TPO: variants seen among roughly 807,000 people sequenced by gnomAD.
The protein encoded by TPO is thyroid microsomal antigen.
A neutral mutation model predicts 96.9 loss-of-function variants in TPO; 78 were observed. The ratio of observed to expected loss-of-function variants is 0.81; its 90% CI spans 0.67 to 0.97. The LOEUF is 0.97. Ranked by LOEUF, TPO falls within the 50% of genes least tolerant of loss-of-function variation. The pLI, the probability that TPO is intolerant of heterozygous loss-of-function variation, is 0.00. For missense variants in TPO, 1,252 were observed against 1,274.8 expected (o/e 0.98, Z 0.27); for synonymous variants, 547 against 538.0 (o/e 1.02, Z -0.23).
intron 7 of TPO, among the ~76,000 whole-genome samples, chr2:1,464,294 T>C (rs1668705793): frequency 6.6e-6 from 1 of 152,220 alleles, no homozygotes; most frequent in African/African-American, 2.4e-5. Flanking sequence ...TATCCACTCA[T>C]TGATTGATGG....
At chr2:1,403,757 G>T (rs1295647377) in intron 1 of TPO, among the ~76,000 whole-genome samples, 1 of 152,188 alleles carries the variant, frequency 6.6e-6, no homozygotes, top group Non-Finnish European at 1.5e-5. Context: ...GCACACCGTG[G>T]GTTCACATTT....
chr2:1,381,222 G>A (rs1249482238), intron 1 of TPO, among the ~76,000 whole-genome samples: 1 of 152,092 alleles, frequency 6.6e-6, no homozygotes, highest in East Asian at 1.9e-4. Flanking sequence ...AGAGTGAACA[G>A]GCAACCTACA....
intron 5 of TPO, among the ~76,000 whole-genome samples, chr2:1,441,058 G>C (rs1666140767): frequency 6.6e-6 from 1 of 151,626 alleles, no homozygotes; most frequent in Non-Finnish European, 1.5e-5. Context: ...AACAGGGCAG[G>C]GTCCTTCTTG....
At chr2:1,506,345 T>C (rs59669457) in intron 14 of TPO, among the ~76,000 whole-genome samples, 995 of 76,518 alleles carry the variant, frequency 0.013, 10 homozygotes, top group African/African-American at 0.038. Context: ...AATAAACATA[T>C]GTGTGCATGT....
At chr2:1,426,077 G>A (rs1172789273) in intron 3 of TPO, among the ~76,000 whole-genome samples, 1 of 146,698 alleles carries the variant, frequency 6.8e-6, no homozygotes, top group East Asian at 2.1e-4. Context: ...CTAGATGCTG[G>A]GATACAGAGA....
rs142088043 is a variant in TPO, at chr2:1,464,687, G to A, written c.819+8405G>A. Among the ~76,000 whole-genome samples the A allele has an allele frequency of 4.4e-3, 667 of 152,214 alleles. 4 individuals carry two copies. Among genetic ancestry groups the A allele is most frequent in the Non-Finnish European group, 8.0e-3 (546 of 67,984 alleles). On this transcript the variant is annotated intron_variant, in intron 7 of 16. Coordinates refer to ENST00000329066, the MANE Select transcript of TPO (RefSeq NM_001206744.2). ...ATTTTTTCATATGTTTGTTGGCCATGTGTGTATCTTCTTTTGAGAATTCTC... is the reference window on the plus strand; with the variant it reads ...ATTTTTTCATATGTTTGTTGGCCATATGTGTATCTTCTTTTGAGAATTCTC...
chr2:1,414,072 A>G (rs1662625933), intron 1 of TPO, among the ~76,000 whole-genome samples: 1 of 152,228 alleles, frequency 6.6e-6, no homozygotes, highest in South Asian at 2.1e-4. Flanking sequence ...TTCATTCCCA[A>G]TAATTATTCC....
At chr2:1,526,369 C>A (rs1374089800) in intron 15 of TPO, among the ~76,000 whole-genome samples, 1 of 79,202 alleles carries the variant, frequency 1.3e-5, no homozygotes, top group South Asian at 6.3e-4. Flanking sequence ...CCACTGTGTG[C>A]AACCCCCCAA....
At chr2:1,375,070 T>C (rs1188565349) in intron 1 of TPO, among the ~76,000 whole-genome samples, 3 of 151,956 alleles carry the variant, frequency 2.0e-5, no homozygotes, top group Non-Finnish European at 4.4e-5. Context: ...ATAGAAAAAC[T>C]GAAAATGTTG....
At chr2:1,429,512 G>T (rs977685226) in intron 3 of TPO, among the ~76,000 whole-genome samples, 1 of 152,210 alleles carries the variant, frequency 6.6e-6, no homozygotes, top group Admixed American at 6.5e-5. Flanking sequence ...AATGGCAGGG[G>T]TTGGAAGAGT....
intron 5 of TPO, among the ~76,000 whole-genome samples, chr2:1,437,846 C>T (rs1665744939): frequency 1.3e-5 from 2 of 151,070 alleles, no homozygotes; most frequent in South Asian, 4.2e-4. Context: ...GGGGGGGGGT[C>T]TGTGCCTTCC....
At chr2:1,501,290 C>A (rs1229065149) in intron 13 of TPO, among the ~76,000 whole-genome samples, 1 of 150,914 alleles carries the variant, frequency 6.6e-6, no homozygotes, top group Non-Finnish European at 1.5e-5. Context: ...TCTTGAAACT[C>A]AAGGCGAAGC....
intron 15 of TPO, among the ~76,000 whole-genome samples, chr2:1,536,686 C>T (rs1465545422): frequency 1.2e-5 from 1 of 83,720 alleles, no homozygotes; most frequent in Non-Finnish European, 2.2e-5. Context: ...CCTTTCTGTG[C>T]AACCTCCATA....
At chr2:1,402,137 C>T (rs1387214729) in intron 1 of TPO, among the ~76,000 whole-genome samples, 1 of 152,170 alleles carries the variant, frequency 6.6e-6, no homozygotes, top group Non-Finnish European at 1.5e-5. Context: ...CCGTATGCAG[C>T]CAAGTGGGCC....
At chr2:1,536,642 C>CCCT (rs1491146482) in intron 15 of TPO, among the ~76,000 whole-genome samples, 158 of 2,336 alleles carry the variant, frequency 0.068, 2 homozygotes, top group African/African-American at 0.098. Flanking sequence ...CTCCCCAAAT[C>CCCT]CCCCCCCCCA....
chr2:1,508,800 C>T (rs192699443), intron 14 of TPO, among the ~76,000 whole-genome samples: 2,741 of 151,904 alleles, frequency 0.018, 80 homozygotes, highest in African/African-American at 0.061. Flanking sequence ...GTCTTGCTAG[C>T]GGTCTATCAA....
At chr2:1,387,582 C>T (rs908075866) in intron 1 of TPO, among the ~76,000 whole-genome samples, 1 of 152,188 alleles carries the variant, frequency 6.6e-6, no homozygotes, top group Admixed American at 6.5e-5. Flanking sequence ...AAGGACTTCT[C>T]TGCATTGGTT....
intron 1 of TPO, among the ~76,000 whole-genome samples, chr2:1,378,701 C>T (rs1305585230): frequency 6.6e-6 from 1 of 152,210 alleles, no homozygotes; most frequent in East Asian, 1.9e-4. Flanking sequence ...GCTGGTGTGA[C>T]AGTGGGAGAA....
intron 15 of TPO, among the ~76,000 whole-genome samples, chr2:1,525,963 TCCCAAATCTCCCCACTGTGAGCAACCTC>T (rs1676370914): frequency 7.6e-5 from 2 of 26,404 alleles, no homozygotes; most frequent in Middle Eastern, 0.036. Context: ...TTTACAACCT[TCCCAAATCTCCCCACTGTGAGCAACCTC>T]CCCAAATCCC....
Sources: gnomAD v4.1 joint callset for allele counts (sites outside exome capture counted in the v4.1 genomes callset) on GRCh38, gnomAD v4.1.1 for gene constraint, MANE v1.5 for transcripts, NCBI Gene and HGNC (gene_info 2026-07-23, HGNC 2026-07-21) for gene names.